DISP1: variants seen among roughly 807,000 people sequenced by gnomAD.
DISP1 encodes dispatched RND transporter family member 1, also known as protein dispatched homolog 1.
In DISP1, 30 loss-of-function variants were observed where a neutral mutation model predicts 37.3. That is an observed-to-expected ratio of 0.80 (90% CI 0.60 to 1.09). DISP1 has a LOEUF of 1.09. DISP1 is among the 50% of genes least tolerant of loss of function. The pLI, the probability that DISP1 is intolerant of heterozygous loss-of-function variation, is 0.00. For synonymous variants in DISP1, 634 were observed against 690.2 expected (o/e 0.92, Z 1.28); for missense variants, 1,598 against 1,879.5 (o/e 0.85, Z 2.77).
At chr1:222,919,336 G>T (rs933839912) in intron 1 of DISP1, among the ~76,000 whole-genome samples, 2 of 152,154 alleles carry the variant, frequency 1.3e-5, no homozygotes, top group African/African-American at 4.8e-5. Flanking sequence ...GGGAAGTCAC[G>T]CCCCGAGCGC....
At chr1:222,856,184 A>G (rs150202127) in intron 1 of DISP1, among the ~76,000 whole-genome samples, 2 of 152,228 alleles carry the variant, frequency 1.3e-5, no homozygotes, top group African/African-American at 4.8e-5. Flanking sequence ...TGTGAATTAC[A>G]TAGGCACATT....
rs1250344083 is a variant in DISP1, at chr1:222,999,621, C to T, written c.988-2764C>T. The stretch of plus-strand genomic sequence containing the variant: ...ATGTTTGTGTCTGATTTCCCTGCCA[C>T]ACTGTGAACAATTTGGAGGAAGGAC... On this transcript the variant is annotated intron_variant, in intron 8 of 8. Transcript: ENST00000675850. 2.0e-5 allele frequency among the ~76,000 whole-genome samples: 3 copies of T among 152,156 alleles called. No homozygotes were observed. In the East Asian group the frequency reaches 5.8e-4, roughly 29 times the overall value.
intron 1 of DISP1, among the ~76,000 whole-genome samples, chr1:222,843,570 G>T (rs367583273): frequency 1.3e-5 from 2 of 150,558 alleles, no homozygotes; most frequent in East Asian, 2.0e-4. Context: ...GGATGGGGGG[G>T]GGAAATTTCT....
chr1:222,845,649 T>G (rs1398248100), intron 1 of DISP1, among the ~76,000 whole-genome samples: 1 of 152,210 alleles, frequency 6.6e-6, no homozygotes, highest in Non-Finnish European at 1.5e-5. Flanking sequence ...GAATTATTAT[T>G]TACTTAATAT....
At chr1:222,970,441 C>T (rs1197601450) in intron 3 of DISP1, among the ~76,000 whole-genome samples, 1 of 152,116 alleles carries the variant, frequency 6.6e-6, no homozygotes, top group African/African-American at 2.4e-5. Flanking sequence ...TTCTTGCCTA[C>T]CTTATGGGGG....
intron 4 of DISP1, among the ~76,000 whole-genome samples, chr1:222,983,478 G>A (rs1450983428): frequency 9.2e-5 from 14 of 152,036 alleles, no homozygotes; most frequent in East Asian, 7.7e-4. Flanking sequence ...TTAGCCAGGC[G>A]TGGAGGCACG....
Position 222,936,539 on chromosome 1 carries a change from CTCTA to C in DISP1, c.-17-6266_-17-6263del, listed in dbSNP as rs1159869695. Among the ~76,000 whole-genome samples, 24 of 122,444 alleles carry C rather than the reference CTCTA, an allele frequency of 2.0e-4. 1 individual carries two copies. Among genetic ancestry groups the C allele is most frequent in the African/African-American group, 6.7e-4 (22 of 32,606 alleles). The allele number at this position is 122,444 out of a possible 152,430, so 80.3% of individuals were successfully genotyped here. A position where few individuals can be genotyped will look rare whatever the true frequency, so the allele number is the denominator to read the frequency against. ...GTATGATGGAAATGTCTCTCTCTCT[CTCTA>C]TATATATATATATGAGATTTATATA... On this transcript the variant is annotated intron_variant, in intron 2 of 8. Coordinates refer to ENST00000675850, the MANE Select transcript of DISP1 (RefSeq NM_001377229.1).
intron 1 of DISP1, among the ~76,000 whole-genome samples, chr1:222,914,124 G>C (rs1292401700): frequency 6.6e-6 from 1 of 151,198 alleles, no homozygotes; most frequent in Non-Finnish European, 1.5e-5. Flanking sequence ...AAGTTAGTCT[G>C]GATCAAAGGG....
chr1:222,950,328 G>A (rs928981628), intron 3 of DISP1, among the ~76,000 whole-genome samples: 4 of 152,154 alleles, frequency 2.6e-5, no homozygotes, highest in East Asian at 1.9e-4. Context: ...AGGGCCAGGC[G>A]CAGTGGCTCA....
intron 2 of DISP1, among the ~76,000 whole-genome samples, chr1:222,930,772 A>T (rs1054781544): frequency 6.6e-6 from 1 of 152,112 alleles, no homozygotes; most frequent in East Asian, 1.9e-4. Context: ...AGAAAGATTT[A>T]TAAAAGTTGC....
rs1674479574 is a variant in DISP1, at chr1:222,942,808, G to C, written c.-16G>C. The C allele has an allele frequency of 6.2e-7, 1 of 1,614,104 alleles. No individual in the cohort carries two copies. On this transcript the variant is annotated splice_region_variant and 5_prime_UTR_variant, in exon 3 of 9. Transcript: ENST00000675850. ...CGATTTTATGATTTTCTTACTTAGAGTCAAGAAATTGGAGCATGGCTATGA... is the reference window on the plus strand; with the variant it reads ...CGATTTTATGATTTTCTTACTTAGACTCAAGAAATTGGAGCATGGCTATGA...
intron 8 of DISP1, among the ~76,000 whole-genome samples, chr1:222,996,791 T>G (rs1212110425): frequency 6.6e-6 from 1 of 152,170 alleles, no homozygotes; most frequent in Admixed American, 6.5e-5. Flanking sequence ...CCACCCTGCT[T>G]TATGCTTCTA....
At chr1:222,939,858 G>A (rs1674253410) in intron 2 of DISP1, among the ~76,000 whole-genome samples, 1 of 151,822 alleles carries the variant, frequency 6.6e-6, no homozygotes, top group African/African-American at 2.4e-5. Context: ...GGGCGCAGTG[G>A]CTCACGCCTG....
chr1:223,005,917 C>A lies in DISP1; in HGVS notation c.4520C>A (p.Ala1507Asp). ...QMPNMEANVPAVLTHSELSGE... is the reference protein window; with the variant it reads ...QMPNMEANVPDVLTHSELSGE... ...CCAAACATGGAAGCCAATGTGCCTG[C>A]TGTATTAACACACTCGGAACTTTCT... Residue 1507 changes from alanine to aspartate, a missense_variant, in exon 9 of 9, where the codon GCT becomes GAT. Physicochemically the swap from Ala to Asp is moderately radical, Grantham distance 126. Transcript: ENST00000675850. 1 of 1,614,100 alleles carries A rather than the reference C, an allele frequency of 6.2e-7. No individual in the cohort carries two copies. Among genetic ancestry groups the A allele is most frequent in the Non-Finnish European group, 8.5e-7 (1 of 1,180,022 alleles).
intron 1 of DISP1, among the ~76,000 whole-genome samples, chr1:222,835,434 A>G (rs1190420801): frequency 6.6e-6 from 1 of 152,164 alleles, no homozygotes; most frequent in Non-Finnish European, 1.5e-5. Context: ...GAGCACTACT[A>G]TGCTATATGA....
intron 1 of DISP1, among the ~76,000 whole-genome samples, chr1:222,913,793 T>C (rs1672339933): frequency 6.6e-6 from 1 of 151,984 alleles, no homozygotes; most frequent in Non-Finnish European, 1.5e-5. Context: ...CTCTAAATAG[T>C]ATTTATCTTT....
intron 1 of DISP1, among the ~76,000 whole-genome samples, chr1:222,924,167 C>T (rs1448359233): frequency 6.6e-6 from 1 of 152,138 alleles, no homozygotes; most frequent in Non-Finnish European, 1.5e-5. Context: ...GGAATTTCAG[C>T]ATCCCTTGAA....
intron 1 of DISP1, among the ~76,000 whole-genome samples, chr1:222,885,895 T>G (rs565431844): frequency 6.6e-6 from 1 of 152,112 alleles, no homozygotes; most frequent in Non-Finnish European, 1.5e-5. Context: ...CAGACACACA[T>G]ACACACGGAC....
At chr1:222,823,620 A>G (rs1393824815) in intron 1 of DISP1, among the ~76,000 whole-genome samples, 8 of 152,200 alleles carry the variant, frequency 5.3e-5, no homozygotes, top group Non-Finnish European at 1.2e-4. Context: ...ACCATTACAC[A>G]ATATATCCAT....
Sources: allele counts gnomAD v4.1 joint callset (sites outside exome capture counted in the v4.1 genomes callset), GRCh38; gene constraint gnomAD v4.1.1; transcripts MANE v1.5; gene names NCBI Gene and HGNC (gene_info 2026-07-23, HGNC 2026-07-21).